Variants in CSNK2A2IP observed in about 807,000 individuals in gnomAD.
CSNK2A2IP encodes the protein casein kinase II subunit alpha'-interacting protein.
chr3:88,449,874 TAGAGAG>T, the CSNK2A2IP span, among the ~76,000 whole-genome samples: 3 of 70,044 alleles, frequency 4.3e-5, no homozygotes, highest in African/African-American at 1.4e-4. Context: ...TATATATATA[TAGAGAG>T]AGAGAGAGAG....
At chr3:88,449,619 G>A in the CSNK2A2IP span, among the ~76,000 whole-genome samples, 16 of 150,968 alleles carry the variant, frequency 1.1e-4, 1 homozygote, top group Middle Eastern at 6.8e-3. Flanking sequence ...TGTGGTGCAT[G>A]CTATTTCCCC....
the CSNK2A2IP span, among the ~76,000 whole-genome samples, chr3:88,456,285 G>T: frequency 6.6e-6 from 1 of 151,994 alleles, no homozygotes. Context: ...TTTTTGGGTA[G>T]TTTGAACATT....
the CSNK2A2IP span, among the ~76,000 whole-genome samples, chr3:88,361,720 T>C: frequency 6.6e-6 from 1 of 152,140 alleles, no homozygotes; most frequent in Admixed American, 6.5e-5. Context: ...TACTCTGATC[T>C]TTTACTTTAC....
chr3:88,365,366 T>C, the CSNK2A2IP span, among the ~76,000 whole-genome samples: 3 of 152,184 alleles, frequency 2.0e-5, no homozygotes, highest in Middle Eastern at 3.2e-3. Context: ...AGATCACCCA[T>C]GATATTGGCT....
the CSNK2A2IP span, chr3:88,466,602 G>T: frequency 4.9e-6 from 6 of 1,231,454 alleles, no homozygotes; most frequent in Admixed American, 4.2e-5. Context: ...GGACTTTAAA[G>T]TATAGTCAGC....
chr3:88,406,850 A>G, the CSNK2A2IP span, among the ~76,000 whole-genome samples: 1 of 152,198 alleles, frequency 6.6e-6, no homozygotes, highest in African/African-American at 2.4e-5. Context: ...TAGCCATACA[A>G]TTGGCCACAG....
chr3:88,368,203 C>A, the CSNK2A2IP span, among the ~76,000 whole-genome samples: 1 of 151,956 alleles, frequency 6.6e-6, no homozygotes, highest in Non-Finnish European at 1.5e-5. Flanking sequence ...TTATTGAGGG[C>A]CTACTAGTTG....
At chr3:88,368,709 G>T in the CSNK2A2IP span, among the ~76,000 whole-genome samples, 2 of 152,036 alleles carry the variant, frequency 1.3e-5, no homozygotes, top group African/African-American at 4.8e-5. Context: ...TCGGAATCCA[G>T]AGTTTATTTC....
chr3:88,450,970 T>C, the CSNK2A2IP span, among the ~76,000 whole-genome samples: 1 of 152,144 alleles, frequency 6.6e-6, no homozygotes, highest in Non-Finnish European at 1.5e-5. Flanking sequence ...TTTCCAATAG[T>C]GCAAAAAAAT....
the CSNK2A2IP span, among the ~76,000 whole-genome samples, chr3:88,378,540 A>G: frequency 6.6e-6 from 1 of 152,020 alleles, no homozygotes; most frequent in Non-Finnish European, 1.5e-5. Context: ...AGACTAAAGA[A>G]TTAAACTTTT....
At chr3:88,397,201 A>G in the CSNK2A2IP span, among the ~76,000 whole-genome samples, 5 of 152,156 alleles carry the variant, frequency 3.3e-5, no homozygotes, top group South Asian at 1.0e-3. Flanking sequence ...ACAGAAAGGG[A>G]GAAAGGGCCA....
the CSNK2A2IP span, among the ~76,000 whole-genome samples, chr3:88,391,793 A>C: frequency 6.6e-6 from 1 of 152,212 alleles, no homozygotes; most frequent in Admixed American, 6.5e-5. Context: ...GACTGTGTAC[A>C]ATCTGGTAAG....
chr3:88,467,094 A>C, the CSNK2A2IP span: 2 of 648,030 alleles, frequency 3.1e-6, no homozygotes, highest in East Asian at 6.9e-5. Flanking sequence ...GGTGGGCGGT[A>C]GCCCCCGAAA....
At chr3:88,457,221 A>T in the CSNK2A2IP span, among the ~76,000 whole-genome samples, 1 of 152,186 alleles carries the variant, frequency 6.6e-6, no homozygotes, top group Admixed American at 6.5e-5. Context: ...ACTTTTAAAG[A>T]GTACTGTTAA....
At chr3:88,457,869 A>G in the CSNK2A2IP span, among the ~76,000 whole-genome samples, 6 of 151,944 alleles carry the variant, frequency 3.9e-5, no homozygotes, top group African/African-American at 1.4e-4. Flanking sequence ...AGGGTCATCA[A>G]CGAAGTCATC....
At chr3:88,456,664 T>C in the CSNK2A2IP span, among the ~76,000 whole-genome samples, 1 of 151,872 alleles carries the variant, frequency 6.6e-6, no homozygotes, top group African/African-American at 2.4e-5. Flanking sequence ...TTCCTTTTTT[T>C]TTTTTTTCAG....
At chr3:88,388,502 G>T in the CSNK2A2IP span, among the ~76,000 whole-genome samples, 1 of 152,094 alleles carries the variant, frequency 6.6e-6, no homozygotes, top group Non-Finnish European at 1.5e-5. Context: ...CAAAATGAGG[G>T]TTTTTTATTT....
chr3:88,412,870 A>AT, the CSNK2A2IP span, among the ~76,000 whole-genome samples: 92 of 152,082 alleles, frequency 6.0e-4, 1 homozygote, highest in Middle Eastern at 0.014. Flanking sequence ...CAGAATTATA[A>AT]TTTTTTGGAA....
the CSNK2A2IP span, among the ~76,000 whole-genome samples, chr3:88,433,284 T>C: frequency 6.6e-6 from 1 of 152,106 alleles, no homozygotes; most frequent in African/African-American, 2.4e-5. Flanking sequence ...TTCTGTTATT[T>C]AGTTGTATGG....
Sources: gnomAD v4.1 joint callset for allele counts (sites outside exome capture counted in the v4.1 genomes callset) on GRCh38, gnomAD v4.1.1 for gene constraint, MANE v1.5 for transcripts, NCBI Gene and HGNC (gene_info 2026-07-23, HGNC 2026-07-21) for gene names.